The following BAZ2A variants were observed in gnomAD, a reference collection of about 807,000 sequenced individuals.
BAZ2A encodes the protein bromodomain adjacent to zinc finger domain protein 2A.
In BAZ2A, 34 loss-of-function variants were observed where a neutral mutation model predicts 199.9. The ratio of observed to expected loss-of-function variants is 0.17; its 90% CI spans 0.13 to 0.23. The LOEUF (loss-of-function observed/expected upper bound fraction) is 0.23, where lower values mean the gene tolerates loss of function less well. Ranked by LOEUF, BAZ2A falls within the 10% of genes least tolerant of loss-of-function variation. The pLI is 1.00. For missense variants in BAZ2A, 2,002 were observed against 2,391.1 expected (o/e 0.84, Z 3.39); for synonymous variants, 857 against 883.9 (o/e 0.97, Z 0.54).
chr12:56,608,308 C>G (rs1950432134), intron 10 of BAZ2A, among the ~76,000 whole-genome samples: 1 of 149,816 alleles, frequency 6.7e-6, no homozygotes. Context: ...GGAGGCAGAG[C>G]TTGTAGTGAG....
chr12:56,636,048 C>A, intron 1 of BAZ2A: 1 of 1,136,424 alleles, frequency 8.8e-7, no homozygotes. Context: ...GCCCTGTGCC[C>A]CCCGTCCCCC....
In BAZ2A at chr12:56,609,797, G is replaced by T; in HGVS notation, c.2031C>A (p.Val677=). 1 of 1,613,866 alleles carries T rather than the reference G, an allele frequency of 6.2e-7. No homozygotes were observed. Among genetic ancestry groups the T allele is most frequent in the Non-Finnish European group, 8.5e-7 (1 of 1,179,856 alleles). ...VKRGRGRPPK[V]KITELLNKTD... is the part of the protein sequence containing the mutation. ...TCTTGTTCAATAGCTCAGTGATTTT[G>T]ACCTTAGGTGGCCGACCTCGACCCC... is the stretch of plus-strand genomic sequence containing the variant. Residue 677 remains valine, a synonymous_variant, in exon 10 of 29, where the codon GTC becomes GTA. Coordinates refer to ENST00000549884, the MANE Select transcript of BAZ2A (RefSeq NM_001300905.2).
At chr12:56,610,365 C>T (rs753942636) in intron 8 of BAZ2A, 44 bp downstream of exon 8, 4 of 1,595,690 alleles carry the variant, frequency 2.5e-6, no homozygotes, top group Non-Finnish European at 3.4e-6. Flanking sequence ...GGAAAGGAGT[C>T]CACTGAGCCC....
chr12:56,602,668 T>C (rs751998932), intron 19 of BAZ2A, 45 bp downstream of exon 19: 1 of 1,588,264 alleles, frequency 6.3e-7, no homozygotes, highest in South Asian at 1.1e-5. Context: ...TATTTAATTC[T>C]TGTTTGATAG....
chr12:56,630,319 G>A lies in BAZ2A; in HGVS notation c.-197C>T, dbSNP rs944433357. Reference sequence around the variant, plus strand: ...GAGAGGAGCCAACATGGCCGGCGGGGGAGGAGTGAGTCGGAGCCGGAGGGG... The same window carrying A: ...GAGAGGAGCCAACATGGCCGGCGGGAGAGGAGTGAGTCGGAGCCGGAGGGG... On this transcript the variant is annotated 5_prime_UTR_variant, in exon 1 of 29. Coordinates refer to ENST00000549884, the MANE Select transcript of BAZ2A (RefSeq NM_001300905.2). The A allele has an allele frequency of 1.0e-6, 1 of 982,004 alleles. No individual in the cohort carries two copies. The highest frequency in any genetic ancestry group is 1.7e-5 in the African/African-American group (1 of 57,150). The allele number at this position is 982,004 out of a possible 1,614,324, so 60.8% of individuals were successfully genotyped here.
intron 1 of BAZ2A, among the ~76,000 whole-genome samples, chr12:56,617,862 T>C (rs1473843353): frequency 2.6e-5 from 4 of 152,210 alleles, no homozygotes; most frequent in African/African-American, 9.6e-5. Context: ...ATATTAGATA[T>C]TAGCCTCTAC....
intron 1 of BAZ2A, among the ~76,000 whole-genome samples, chr12:56,622,046 T>C (rs1950936827): frequency 6.6e-6 from 1 of 151,260 alleles, no homozygotes; most frequent in South Asian, 2.1e-4. Context: ...TTCAAAAAGA[T>C]AATCAGGCCT....
intron 1 of BAZ2A, among the ~76,000 whole-genome samples, chr12:56,628,639 C>T (rs565053065): frequency 6.6e-6 from 1 of 152,184 alleles, no homozygotes; most frequent in African/African-American, 2.4e-5. Flanking sequence ...TCAGTCCCTA[C>T]CCCCGACACA....
At chr12:56,622,026 C>T (rs1039030314) in intron 1 of BAZ2A, among the ~76,000 whole-genome samples, 4 of 149,976 alleles carry the variant, frequency 2.7e-5, no homozygotes, top group African/African-American at 9.8e-5. Context: ...CAGTAAAAGA[C>T]TGTGTAGTTT....
rs771014346 is a variant in BAZ2A, at chr12:56,601,819, G to C, written c.3798C>G (p.Ala1266=). Reference sequence around the variant, plus strand: ...GAGTCTGGCTCAGCCAAGACAGGAAGGCTGACTGGCTGAGGTCATGCTGGC... The same window carrying C: ...GAGTCTGGCTCAGCCAAGACAGGAACGCTGACTGGCTGAGGTCATGCTGGC... The part of the protein sequence containing the change: ...GQSQHDLSQS[A]FLSWLSQTQS... The change falls in exon 20 of 29, where the codon GCC becomes GCG. Residue 1266 remains alanine, a synonymous_variant. Coordinates refer to ENST00000549884, the MANE Select transcript of BAZ2A (RefSeq NM_001300905.2). 18 of 1,614,026 alleles carry C rather than the reference G, an allele frequency of 1.1e-5. No individual in the cohort carries two copies. In the South Asian group the frequency reaches 1.5e-4, roughly 14 times the overall value.
Position 56,611,921 on chromosome 12 carries a change from T to C in BAZ2A, c.1461A>G (p.Ser487=). ...AVSLEVPLTA[S]VTSPKASPVT... ...CGGGAGAGGCTTTTGGGGATGTCAC[T>C]GAAGCCGTCAACGGGACTTCTAAGG... is the stretch of plus-strand genomic sequence containing the variant. The change falls in exon 6 of 29, where the codon TCA becomes TCG. Residue 487 remains serine (S), a synonymous_variant. Coordinates refer to ENST00000549884, the MANE Select transcript of BAZ2A (RefSeq NM_001300905.2). 1 of 1,611,434 alleles carries C rather than the reference T, an allele frequency of 6.2e-7. No homozygotes were observed. The highest frequency in any genetic ancestry group is 8.5e-7 in the Non-Finnish European group (1 of 1,178,614).
chr12:56,627,878 G>GA (rs1176814560), intron 1 of BAZ2A, among the ~76,000 whole-genome samples: 8 of 145,714 alleles, frequency 5.5e-5, no homozygotes, highest in African/African-American at 1.0e-4. Context: ...AGAGAGAAGA[G>GA]AAAAAAAAGA....
chr12:56,630,704 T>C (rs1951285101), upstream of BAZ2A: 1 of 893,988 alleles, frequency 1.1e-6, no homozygotes, highest in Admixed American at 6.2e-5. Flanking sequence ...AACGTGGAAA[T>C]AGAAAGGTTA....
At position 56,600,441 on chromosome 12, in the gene BAZ2A, C is replaced by T. The variant is rs755667082; in HGVS notation, c.4652G>A (p.Cys1551Tyr). The change falls in exon 24 of 29, where the codon TGT becomes TAT. Residue 1551 changes from cysteine to tyrosine, a missense_variant. Coordinates refer to ENST00000549884, the MANE Select transcript of BAZ2A (RefSeq NM_001300905.2). Reference protein sequence around the residue: ...PDSTREDLAYCEHLSDSQEDI... With the variant: ...PDSTREDLAYYEHLSDSQEDI... Reference sequence around the variant, plus strand: ...CTCCTGGGAGTCGGAGAGGTGCTCACAGTAGGCCAAGTCTTCACGGGTAGA... The same window carrying T: ...CTCCTGGGAGTCGGAGAGGTGCTCATAGTAGGCCAAGTCTTCACGGGTAGA... The T allele has an allele frequency of 3.7e-6, 6 of 1,613,920 alleles. No individual in the cohort carries two copies. Among genetic ancestry groups the T allele is most frequent in the Non-Finnish European group, 4.2e-6 (5 of 1,179,892 alleles).
intron 1 of BAZ2A, among the ~76,000 whole-genome samples, chr12:56,622,716 A>C (rs552921028): frequency 8.5e-4 from 130 of 152,324 alleles, no homozygotes; most frequent in Non-Finnish European, 1.1e-3. Context: ...CCCCTAGAGT[A>C]GCAGATGACT....
chr12:56,600,742 G>A lies in BAZ2A; in HGVS notation c.4541C>T (p.Ala1514Val), dbSNP rs1886378109. Residue 1514 changes from alanine to valine, a missense_variant, in exon 23 of 29, where the codon GCA becomes GTA. By Grantham distance (64) the Ala-to-Val change is moderately conservative. Transcript: ENST00000549884. ...PKEKTYETDL[A>V]VLQWVEELEQ... ...CAGCTCCTCTACCCATTGAAGCACT[G>A]CTAGGTCTGTCTCGTATGTCTTCTC... The A allele has an allele frequency of 1.2e-6, 2 of 1,613,774 alleles. No homozygotes were observed. The highest frequency in any genetic ancestry group is 8.5e-7 in the Non-Finnish European group (1 of 1,179,890).
chr12:56,615,710 AG>A, intron 2 of BAZ2A, 103 bp from the exon 3 acceptor site: 3 of 949,788 alleles, frequency 3.2e-6, no homozygotes, highest in Non-Finnish European at 4.6e-6. Context: ...GACATGGTAA[AG>A]GGAAGGGGGA....
At position 56,603,542 on chromosome 12, in the gene BAZ2A, C is replaced by A; in HGVS notation, c.3197G>T (p.Arg1066Leu). ...EEESIAAVPG[R>L]RGRRDGEVDA... is the part of the protein sequence containing the mutation. The stretch of plus-strand genomic sequence containing the variant: ...TACCTCTCCATCTCTTCGACCCCTG[C>A]GGCCAGGGACAGCTGCTATAGACTC... Residue 1066 changes from arginine to leucine, a missense_variant, in exon 17 of 29, where the codon CGC becomes CTC. Physicochemically the swap from Arg to Leu is moderately radical, Grantham distance 102. Around this residue, in one of 6 missense-constraint regions of BAZ2A, gnomAD observed 1,081 missense variants for 1,274.7 expected, o/e 0.85. Transcript: ENST00000549884. The A allele has an allele frequency of 6.2e-7, 1 of 1,614,036 alleles. No individual in the cohort carries two copies. The highest frequency in any genetic ancestry group is 8.5e-7 in the Non-Finnish European group (1 of 1,179,900).
Position 56,604,296 on chromosome 12 carries a change from AG to A in BAZ2A, c.2964-6del. 6.2e-7 allele frequency: 1 copy of A among 1,605,000 alleles called. No homozygotes were observed. The highest frequency in any genetic ancestry group is 8.5e-7 in the Non-Finnish European group (1 of 1,175,102). Reference sequence around the variant, plus strand: ...TCCAGAGTCTTGTCAATCTCACTGCAGGGGAATAGGGAATAGGATGAAGTGG... The same window carrying A: ...TCCAGAGTCTTGTCAATCTCACTGCAGGGAATAGGGAATAGGATGAAGTGG... On this transcript the variant is annotated splice_polypyrimidine_tract_variant and splice_region_variant and intron_variant, in intron 15 of 28. Transcript: ENST00000549884.
Sources: gnomAD v4.1 joint callset for allele counts (sites outside exome capture counted in the v4.1 genomes callset) on GRCh38, gnomAD v4.1.1 for gene constraint, gnomAD v4.1.1 regional missense constraint, MANE v1.5 for transcripts, NCBI Gene and HGNC (gene_info 2026-07-23, HGNC 2026-07-21) for gene names.